Variants in CERS5 observed in about 807,000 individuals in gnomAD.
CERS5 encodes the protein ceramide synthase 5.
In CERS5, 37 loss-of-function variants were observed where a neutral mutation model predicts 58.9. That is an observed-to-expected ratio of 0.63 (90% CI 0.48 to 0.83). The LOEUF (loss-of-function observed/expected upper bound fraction) is 0.83, where lower values mean the gene tolerates loss of function less well. Among genes scored for constraint, CERS5 ranks in the 40% least tolerant of loss-of-function variants. The pLI, the probability that CERS5 is intolerant of heterozygous loss-of-function variation, is 0.00. For synonymous variants in CERS5, 147 were observed against 177.8 expected (o/e 0.83, Z 1.38); for missense variants, 398 against 489.3 (o/e 0.81, Z 1.76).
intron 1 of CERS5, among the ~76,000 whole-genome samples, chr12:50,154,584 G>A (rs1237106473): frequency 6.6e-6 from 1 of 152,058 alleles, no homozygotes; most frequent in Non-Finnish European, 1.5e-5. Flanking sequence ...AAAGAGATTT[G>A]CAAAAATGTA....
At chr12:50,157,433 CAG>C (rs1441706523) in intron 1 of CERS5, among the ~76,000 whole-genome samples, 4 of 151,132 alleles carry the variant, frequency 2.6e-5, no homozygotes, top group African/African-American at 9.7e-5. Flanking sequence ...AAGTAGGTTT[CAG>C]AGTGATTCAT....
intron 1 of CERS5, among the ~76,000 whole-genome samples, chr12:50,148,091 C>A (rs895450770): frequency 2.6e-5 from 4 of 151,818 alleles, no homozygotes; most frequent in Non-Finnish European, 1.5e-5. Flanking sequence ...TCACTTGAGC[C>A]CAGGAGTTTG....
chr12:50,140,284 A>ATTTTTTTTTTTTTTTT lies in CERS5; in HGVS notation c.493-1683_493-1668dup, dbSNP rs57651378. On this transcript the variant is annotated intron_variant, in intron 4 of 9. Transcript: ENST00000317551. ...TTGAGAAGAGTTGTTTAACTTCCAA[A>ATTTTTTTTTTTTTTTT]TTTTTTTTTTTTTTTTTTTTTTTTT... is the stretch of plus-strand genomic sequence containing the variant. 4.2e-4 allele frequency among the ~76,000 whole-genome samples: 40 copies of ATTTTTTTTTTTTTTTT among 96,248 alleles called. 2 individuals are homozygous for ATTTTTTTTTTTTTTTT. The highest frequency in any genetic ancestry group is 1.7e-3 in the African/African-American group (38 of 22,350). The allele number at this position is 96,248 out of a possible 152,430, so 63.1% of individuals were successfully genotyped here. A position where few individuals can be genotyped will look rare whatever the true frequency, so the allele number is the denominator to read the frequency against.
intron 5 of CERS5, among the ~76,000 whole-genome samples, chr12:50,138,204 T>A (rs1951787092): frequency 6.6e-6 from 1 of 152,144 alleles, no homozygotes; most frequent in African/African-American, 2.4e-5. Context: ...ACCAAGATGC[T>A]CTACTGGGAT....
chr12:50,163,196 C>T, intron 1 of CERS5, among the ~76,000 whole-genome samples: 1 of 151,790 alleles, frequency 6.6e-6, no homozygotes, highest in South Asian at 2.1e-4. Flanking sequence ...CCATGCCAGG[C>T]CCCAATATTT....
chr12:50,142,120 C>A lies in CERS5; in HGVS notation c.435-10G>T. ...AAATGTGAATCTCCACCTGGGTGGG[C>A]AAAGAGTAAAGGTTAGACAAATGTC... On this transcript the variant is annotated splice_polypyrimidine_tract_variant and intron_variant, in intron 3 of 9. Transcript: ENST00000317551. 2 of 1,586,578 alleles carry A rather than the reference C, an allele frequency of 1.3e-6. No homozygotes were observed. Among genetic ancestry groups the A allele is most frequent in the Non-Finnish European group, 1.7e-6 (2 of 1,157,550 alleles).
chr12:50,154,889 C>T lies in CERS5; in HGVS notation c.198-10832G>A, dbSNP rs376736451. ...TAAATTTCTTTTTGAGACAGAGTTTCGCTCCGTCACCCAGGCTGGAGTGCA... is the reference window on the plus strand; with the variant it reads ...TAAATTTCTTTTTGAGACAGAGTTTTGCTCCGTCACCCAGGCTGGAGTGCA... On this transcript the variant is annotated intron_variant, in intron 1 of 9. Transcript: ENST00000317551. 1.8e-4 allele frequency among the ~76,000 whole-genome samples: 27 copies of T among 152,074 alleles called. No individual in the cohort carries two copies. The South Asian group carries it at 4.6e-3, about 26-fold the overall frequency.
intron 1 of CERS5, among the ~76,000 whole-genome samples, chr12:50,156,135 C>T (rs373359546): frequency 1.5e-5 from 2 of 132,744 alleles, no homozygotes; most frequent in East Asian, 4.6e-4. Flanking sequence ...GCCGTGGTGG[C>T]TCACGCCTGT....
At chr12:50,135,216 GGA>G (rs1219415027) in intron 8 of CERS5, among the ~76,000 whole-genome samples, 1 of 74,738 alleles carries the variant, frequency 1.3e-5, no homozygotes, top group Admixed American at 1.4e-4. Flanking sequence ...GGAGAGGGAG[GGA>G]GAGAGAGGAG....
At chr12:50,159,579 A>T (rs891040293) in intron 1 of CERS5, among the ~76,000 whole-genome samples, 4 of 152,150 alleles carry the variant, frequency 2.6e-5, no homozygotes, top group Admixed American at 6.6e-5. Context: ...AATGTGAGTC[A>T]CATATGTAAT....
intron 1 of CERS5, 34 bp downstream of exon 1, chr12:50,167,067 C>T: frequency 6.8e-7 from 1 of 1,471,508 alleles, no homozygotes; most frequent in East Asian, 2.6e-5. Flanking sequence ...CGGCCCGCGC[C>T]CGGCCCCCGA....
At chr12:50,131,002 AC>A (rs1465938884) in intron 9 of CERS5, among the ~76,000 whole-genome samples, 11 of 152,140 alleles carry the variant, frequency 7.2e-5, no homozygotes, top group Non-Finnish European at 1.3e-4. Flanking sequence ...GGTTTCAGAC[AC>A]CCTTTCTCTT....
intron 9 of CERS5, chr12:50,133,828 C>T: frequency 1.1e-6 from 1 of 922,076 alleles, no homozygotes; most frequent in Non-Finnish European, 1.3e-6. Flanking sequence ...AATCCCAGCA[C>T]TTCGGGAGGC....
intron 3 of CERS5, 58 bp downstream of exon 3, chr12:50,143,016 C>G: frequency 1.3e-6 from 2 of 1,517,500 alleles, no homozygotes; most frequent in Non-Finnish European, 1.8e-6. Context: ...ACAGAAACTT[C>G]AGTCCAGTTG....
intron 1 of CERS5, among the ~76,000 whole-genome samples, chr12:50,149,518 G>A (rs957146722): frequency 6.6e-6 from 1 of 152,098 alleles, no homozygotes; most frequent in Non-Finnish European, 1.5e-5. Flanking sequence ...TGCTACTTTT[G>A]TGATTCATTA....
chr12:50,146,984 T>G (rs1379878927), intron 1 of CERS5, among the ~76,000 whole-genome samples: 2 of 152,196 alleles, frequency 1.3e-5, no homozygotes, highest in East Asian at 3.9e-4. Context: ...ATTAAATATA[T>G]AGATTTAGTT....
chr12:50,140,291 T>TTTTTA (rs1951901477), intron 4 of CERS5, among the ~76,000 whole-genome samples: 1 of 138,732 alleles, frequency 7.2e-6, no homozygotes, highest in East Asian at 2.1e-4. Context: ...CAAATTTTTT[T>TTTTTA]TTTTTTTTTT....
Position 50,167,149 on chromosome 12 carries a change from A to C in CERS5, c.149T>G (p.Val50Gly). 6.3e-7 allele frequency: 1 copy of C among 1,591,950 alleles called. No homozygotes were observed. Among genetic ancestry groups the C allele is most frequent in the East Asian group, 2.3e-5 (1 of 43,280 alleles). Residue 50 changes from valine to glycine, a missense_variant, in exon 1 of 10, where the codon GTG (valine) becomes GGG (glycine). Around this residue, in one of 3 missense-constraint regions of CERS5, gnomAD observed 328 missense variants for 384.5 expected, o/e 0.85. Coordinates refer to ENST00000317551, the MANE Select transcript of CERS5 (RefSeq NM_147190.5). ...GYPRGRHILS[V>G]FPLAAGIFFV... Reference sequence around the variant, plus strand: ...GAAGATGCCCGCCGCCAGCGGGAACACCGAGAGGATGTGCCGGCCGCGGGG... The same window carrying C: ...GAAGATGCCCGCCGCCAGCGGGAACCCCGAGAGGATGTGCCGGCCGCGGGG...
chr12:50,154,245 C>T (rs544236940), intron 1 of CERS5: 11 of 331,206 alleles, frequency 3.3e-5, no homozygotes, highest in East Asian at 1.3e-4. Context: ...CCTAGCTACT[C>T]GGGAGGCTGA....
Sources: allele counts gnomAD v4.1 joint callset (sites outside exome capture counted in the v4.1 genomes callset), GRCh38; gene constraint gnomAD v4.1.1; regional missense constraint gnomAD v4.1.1; transcripts MANE v1.5; gene names NCBI Gene and HGNC (gene_info 2026-07-23, HGNC 2026-07-21).